FBLIM1: variants seen among roughly 807,000 people sequenced by gnomAD.
FBLIM1 encodes filamin binding LIM protein 1.
FBLIM1 carries 29 observed loss-of-function variants against 37.4 expected under a neutral mutation model. That is an observed-to-expected ratio of 0.77 (90% CI 0.58 to 1.06). The LOEUF (loss-of-function observed/expected upper bound fraction) is 1.06. FBLIM1 is among the 50% of genes least tolerant of loss of function. The probability of loss-of-function intolerance (pLI) is 0.00; values close to 1 mark genes in which losing one functional copy is unlikely to be tolerated. For missense variants in FBLIM1, 449 were observed against 505.6 expected, an observed-to-expected ratio of 0.89 and a Z score of 1.07; for synonymous variants, 193 against 199.0, an observed-to-expected ratio of 0.97 and a Z score of 0.25.
In FBLIM1 at chr1:15,771,248, TG is replaced by T. The variant is rs1199510064; in HGVS notation, c.711+671del. Among the ~76,000 whole-genome samples the T allele has an allele frequency of 8.9e-3, 869 of 97,160 alleles. 5 individuals carry two copies. The highest frequency in any genetic ancestry group is 0.015 in the African/African-American group (421 of 28,902). 63.7% of individuals were successfully genotyped at this position (97,160 alleles called of 152,430 possible). ...CCACTGCGCCCAGCCTGTTTTTTTT[TG>T]TTTTTTTTTTTTTTTAAGATGGAGG... On this transcript the variant is annotated intron_variant, in intron 6 of 8. Coordinates refer to ENST00000375766, the MANE Select transcript of FBLIM1 (RefSeq NM_017556.4).
chr1:15,771,239 G>GTT (rs1455901904), intron 6 of FBLIM1, among the ~76,000 whole-genome samples: 1 of 89,454 alleles, frequency 1.1e-5, no homozygotes, highest in African/African-American at 3.9e-5. Context: ...CGCCCAGCCT[G>GTT]TTTTTTTTTG....
chr1:15,758,917 C>G lies in FBLIM1; in HGVS notation c.-211+69C>G, dbSNP rs1383386990. On this transcript the variant is annotated intron_variant, in intron 1 of 8. Transcript: ENST00000375766. The surrounding 1 kb of genome is among the most constrained non-coding windows in gnomAD (Gnocchi z 6.2). The stretch of plus-strand genomic sequence containing the variant: ...TCCCCGGTGCACACAGGTGACAGCG[C>G]CGGCAGTGCTCGGCCGGAGCCTGCT... The G allele has an allele frequency of 6.6e-6, 1 of 152,092 alleles. No homozygotes were observed. Among genetic ancestry groups the G allele is most frequent in the Non-Finnish European group, 1.5e-5 (1 of 67,990 alleles). 9.4% of individuals were successfully genotyped at this position (152,092 alleles called of 1,614,324 possible). A position where few individuals can be genotyped will look rare whatever the true frequency, so the allele number is the denominator to read the frequency against.
rs2068865228 is a variant in FBLIM1 at position 15,765,320 on chromosome 1, A to G, written c.250+87A>G. ...AGGCTCCAGCGTCATTCATTCATTC[A>G]TTATTCATCCTGACAAAATTCACAC... On this transcript the variant is annotated intron_variant, in intron 3 of 8. Coordinates refer to ENST00000375766, the MANE Select transcript of FBLIM1 (RefSeq NM_017556.4). This position sits in a 1 kb window ranked among gnomAD's most constrained non-coding sequence, Gnocchi z 5.9. 3.4e-6 allele frequency: 5 copies of G among 1,481,456 alleles called. No homozygotes were observed. In the South Asian group the frequency reaches 6.8e-5, roughly 20 times the overall value. 91.8% of individuals were successfully genotyped at this position (1,481,456 alleles called of 1,614,324 possible). A position where few individuals can be genotyped will look rare whatever the true frequency, so the allele number is the denominator to read the frequency against.
chr1:15,779,463 C>T (rs943870263), intron 8 of FBLIM1, among the ~76,000 whole-genome samples: 1 of 151,714 alleles, frequency 6.6e-6, no homozygotes, highest in African/African-American at 2.4e-5. Flanking sequence ...TGCCACCACA[C>T]CTGACTAATT....
At chr1:15,781,956 G>C (rs1038355677) in intron 8 of FBLIM1, among the ~76,000 whole-genome samples, 8 of 151,700 alleles carry the variant, frequency 5.3e-5, no homozygotes, top group Admixed American at 1.3e-4. Flanking sequence ...CTGACCTCGT[G>C]ATCCGCCCAC....
intron 8 of FBLIM1, among the ~76,000 whole-genome samples, chr1:15,779,159 C>A (rs1368260855): frequency 6.6e-6 from 1 of 152,030 alleles, no homozygotes; most frequent in African/African-American, 2.4e-5. Flanking sequence ...TGGTCTTGAA[C>A]TCCTGACCTC....
At position 15,760,531 on chromosome 1, in the gene FBLIM1, GAAAAAA is replaced by G. The variant is rs34356141; in HGVS notation, c.-211+1699_-211+1704del. Among the ~76,000 whole-genome samples, 230 of 97,642 alleles carry G rather than the reference GAAAAAA, an allele frequency of 2.4e-3. 1 individual carries two copies. Among genetic ancestry groups the G allele is most frequent in the African/African-American group, 8.2e-3 (212 of 25,852 alleles). 64.1% of individuals were successfully genotyped at this position (97,642 alleles called of 152,430 possible). A position where few individuals can be genotyped will look rare whatever the true frequency, so the allele number is the denominator to read the frequency against. On this transcript the variant is annotated intron_variant, in intron 1 of 8. Transcript: ENST00000375766. ...GGCCACAGAGCAAGATTCTGTCTCA[GAAAAAA>G]AAAAAAAAAAAAAAAGAACAGAGCT...
chr1:15,778,623 G>C (rs1409462332), intron 8 of FBLIM1, among the ~76,000 whole-genome samples: 2 of 138,216 alleles, frequency 1.4e-5, no homozygotes, highest in African/African-American at 5.5e-5. Context: ...TGAAGAATCA[G>C]AGGAAGTGGA....
rs1302751516 is a variant in FBLIM1 at position 15,764,512 on chromosome 1, C to T, written c.-194C>T. On this transcript the variant is annotated 5_prime_UTR_variant, in exon 2 of 9. Coordinates refer to ENST00000375766, the MANE Select transcript of FBLIM1 (RefSeq NM_017556.4). Reference sequence around the variant, plus strand: ...CCAAAGCAGAGCTGGCCTGAACCTCCAGGACTTCAGCCCTTCTAGGAGAAT... The same window carrying T: ...CCAAAGCAGAGCTGGCCTGAACCTCTAGGACTTCAGCCCTTCTAGGAGAAT... 1 of 162,786 alleles carries T rather than the reference C, an allele frequency of 6.1e-6. No homozygotes were observed. Among genetic ancestry groups the T allele is most frequent in the Non-Finnish European group, 1.3e-5 (1 of 75,510 alleles). 10.1% of individuals were successfully genotyped at this position (162,786 alleles called of 1,614,324 possible).
intron 7 of FBLIM1, among the ~76,000 whole-genome samples, chr1:15,775,398 G>C (rs1336832039): frequency 6.6e-6 from 1 of 151,774 alleles, no homozygotes; most frequent in Non-Finnish European, 1.5e-5. Context: ...AGCTGAGCAT[G>C]GTGGTGTGTG....
At chr1:15,778,400 A>G (rs891408488) in intron 8 of FBLIM1, among the ~76,000 whole-genome samples, 2 of 152,124 alleles carry the variant, frequency 1.3e-5, no homozygotes, top group African/African-American at 4.8e-5. Flanking sequence ...CCCTGTCTTA[A>G]AAATAAATAA....
chr1:15,779,110 A>G (rs928690023), intron 8 of FBLIM1, among the ~76,000 whole-genome samples: 2 of 150,522 alleles, frequency 1.3e-5, no homozygotes, highest in Non-Finnish European at 2.9e-5. Context: ...TAATTTTTGT[A>G]TTTTTAGTAG....
At chr1:15,770,665 G>A in intron 6 of FBLIM1, 87 bp downstream of exon 6, 1 of 1,464,152 alleles carries the variant, frequency 6.8e-7, no homozygotes, top group Non-Finnish European at 9.2e-7. Context: ...ACACAGTCCT[G>A]GGAAGTAGGC....
intron 8 of FBLIM1, among the ~76,000 whole-genome samples, chr1:15,778,840 C>T (rs141053565): frequency 0.02 from 3,086 of 152,068 alleles, 77 homozygotes; most frequent in African/African-American, 0.063. Flanking sequence ...TGTGGTTTCT[C>T]CATGTTGGTC....
chr1:15,767,548 C>G lies in FBLIM1; in HGVS notation c.423C>G (p.Pro141=), dbSNP rs1210165396. Residue 141 remains proline, a synonymous_variant, in exon 4 of 9, where the codon CCC becomes CCG. Transcript: ENST00000375766. ...TAGAGCAGCTGCACCTGTCCCCGCC[C>G]CCGCCCCCACCACAGGTACTGCCTG... ...ADLEQLHLSP[P]PPPPQAPAEG... The G allele has an allele frequency of 7.5e-7, 1 of 1,337,584 alleles. No homozygotes were observed. Among genetic ancestry groups the G allele is most frequent in the East Asian group, 3.0e-5 (1 of 33,550 alleles). The allele number at this position is 1,337,584 out of a possible 1,614,324, so 82.9% of individuals were successfully genotyped here. A position where few individuals can be genotyped will look rare whatever the true frequency, so the allele number is the denominator to read the frequency against.
intron 4 of FBLIM1, among the ~76,000 whole-genome samples, chr1:15,767,896 G>A (rs911369526): frequency 6.6e-6 from 1 of 151,984 alleles, no homozygotes; most frequent in Non-Finnish European, 1.5e-5. Context: ...TTGTTTGTTT[G>A]TTTTTGAGAT....
chr1:15,772,706 C>A (rs2069278502), intron 6 of FBLIM1, among the ~76,000 whole-genome samples: 1 of 152,128 alleles, frequency 6.6e-6, no homozygotes, highest in South Asian at 2.1e-4. Flanking sequence ...GCAATCTCAG[C>A]ACTTTGGGAG....
At chr1:15,761,532 A>C (rs2068672701) in intron 1 of FBLIM1, among the ~76,000 whole-genome samples, 2 of 152,186 alleles carry the variant, frequency 1.3e-5, no homozygotes, top group Admixed American at 1.3e-4. Flanking sequence ...TAAATCTCAC[A>C]TGTACTCTGA....
chr1:15,780,002 C>A (rs746840392), intron 8 of FBLIM1, among the ~76,000 whole-genome samples: 16 of 152,002 alleles, frequency 1.1e-4, no homozygotes, highest in Non-Finnish European at 1.8e-4. Flanking sequence ...ACCTTAGCAT[C>A]CTGAGTAGCT....
Sources: allele counts gnomAD v4.1 joint callset (sites outside exome capture counted in the v4.1 genomes callset), GRCh38; gene constraint gnomAD v4.1.1; non-coding constraint Gnocchi (gnomAD v3.1); transcripts MANE v1.5; gene names NCBI Gene and HGNC (gene_info 2026-07-23, HGNC 2026-07-21).